KLHL26: variants seen among roughly 807,000 people sequenced by gnomAD.
The protein encoded by KLHL26 is kelch like family member 26.
In KLHL26, 4 loss-of-function variants were observed where a neutral mutation model predicts 7.1. That is an observed-to-expected ratio of 0.56 (90% CI 0.28 to 1.28). The LOEUF is 1.28. Ranked by LOEUF, KLHL26 falls within the 50% of genes most tolerant of loss-of-function variation. The pLI is 0.11. For synonymous variants in KLHL26, 465 were observed against 414.1 expected (o/e 1.12, Z -1.49); for missense variants, 896 against 924.6 (o/e 0.97, Z 0.40).
At position 18,656,336 on chromosome 19, in the gene KLHL26, C is replaced by T. The variant is rs79527756; in HGVS notation, c.84-7925C>T. Among the ~76,000 whole-genome samples the T allele has an allele frequency of 0.049, 7,491 of 152,242 alleles. 272 individuals carry two copies. The highest frequency in any genetic ancestry group is 0.073 in the Non-Finnish European group (4,947 of 68,004). Reference sequence around the variant, plus strand: ...GTCGTGGTCCTTTCCAATTGATCCTCGATTCCGAAACCTGCCTGCCTGCCC... The same window carrying T: ...GTCGTGGTCCTTTCCAATTGATCCTTGATTCCGAAACCTGCCTGCCTGCCC... On this transcript the variant is annotated intron_variant, in intron 1 of 2. Coordinates refer to ENST00000300976, the MANE Select transcript of KLHL26 (RefSeq NM_018316.3). The surrounding 1 kb of genome is among the most constrained non-coding windows in gnomAD (Gnocchi z 4.4).
chr19:18,647,206 C>T (rs1009216419), intron 1 of KLHL26, among the ~76,000 whole-genome samples: 4 of 152,358 alleles, frequency 2.6e-5, no homozygotes, highest in East Asian at 3.9e-4. Context: ...GCAGTGCGAT[C>T]GTCACAGCTG....
chr19:18,652,612 T>C (rs1257757469), intron 1 of KLHL26, among the ~76,000 whole-genome samples: 3 of 146,182 alleles, frequency 2.1e-5, no homozygotes, highest in Non-Finnish European at 4.5e-5. Flanking sequence ...AAAAAAAGAG[T>C]TGGGCTCCAG....
At chr19:18,637,848 A>G (rs1021662162) in intron 1 of KLHL26, among the ~76,000 whole-genome samples, 6 of 152,196 alleles carry the variant, frequency 3.9e-5, no homozygotes, top group Admixed American at 2.6e-4. Flanking sequence ...AAGGACTTAC[A>G]GAAAGGTCTT....
rs2145416203 is a variant in KLHL26 at position 18,669,597 on chromosome 19, C to T, written c.*352C>T. 2.0e-6 allele frequency: 1 copy of T among 488,028 alleles called. No homozygotes were observed. Among genetic ancestry groups the T allele is most frequent in the Non-Finnish European group, 3.6e-6 (1 of 276,664 alleles). 30.2% of individuals were successfully genotyped at this position (488,028 alleles called of 1,614,324 possible). A position where few individuals can be genotyped will look rare whatever the true frequency, so the allele number is the denominator to read the frequency against. On this transcript the variant is annotated 3_prime_UTR_variant, in exon 3 of 3. Transcript: ENST00000300976. ...GCAGCTCCATCTCACTTCTCTACTG[C>T]CTCCCAGCCCCACGGTTTCAGGCAT...
Position 18,667,973 on chromosome 19 carries a change from C to G in KLHL26, c.576C>G (p.Phe192Leu). ...ESVDAFTFRH[F>L]LQIAEEEDFL... The stretch of plus-strand genomic sequence containing the variant: ...TGGATGCCTTCACCTTCCGGCACTT[C>G]CTGCAGATCGCCGAGGAGGAGGATT... The change falls in exon 3 of 3, where the codon TTC becomes TTG. Residue 192 changes from phenylalanine to leucine, a missense_variant. Physicochemically the swap from Phe to Leu is conservative, Grantham distance 22 (BLOSUM62 0). Transcript: ENST00000300976. 1 of 1,608,828 alleles carries G rather than the reference C, an allele frequency of 6.2e-7. No homozygotes were observed. Among genetic ancestry groups the G allele is most frequent in the Non-Finnish European group, 8.5e-7 (1 of 1,179,984 alleles).
In KLHL26 at chr19:18,668,414, C is replaced by T. The variant is rs760406752; in HGVS notation, c.1017C>T (p.Arg339=). 6.2e-7 allele frequency: 1 copy of T among 1,610,892 alleles called. No homozygotes were observed. The highest frequency in any genetic ancestry group is 8.5e-7 in the Non-Finnish European group (1 of 1,179,580). Residue 339 remains arginine, a synonymous_variant, in exon 3 of 3, where the codon CGC becomes CGT. Coordinates refer to ENST00000300976, the MANE Select transcript of KLHL26 (RefSeq NM_018316.3). ...KVYQLPEPGA[R]HFRELTEMEV... is the part of the protein sequence containing the mutation. Reference sequence around the variant, plus strand: ...ACCAGCTGCCTGAGCCGGGAGCCCGCCACTTCCGCGAGCTCACGGAGATGG... The same window carrying T: ...ACCAGCTGCCTGAGCCGGGAGCCCGTCACTTCCGCGAGCTCACGGAGATGG...
chr19:18,667,765 G>A lies in KLHL26; in HGVS notation c.368G>A (p.Ser123Asn). The A allele has an allele frequency of 6.2e-7, 1 of 1,613,346 alleles. No homozygotes were observed. The highest frequency in any genetic ancestry group is 8.5e-7 in the Non-Finnish European group (1 of 1,180,004). ...CGGCACATCATCGACTTCGCCTACA[G>A]CGCCGAGGTGACACTGGACCTGGAC... ...GLRHIIDFAY[S>N]AEVTLDLDCV... is the part of the protein sequence containing the mutation. The change falls in exon 3 of 3, where the codon AGC (serine) becomes AAC (asparagine). Residue 123 changes from serine to asparagine, a missense_variant. By Grantham distance (46) the Ser-to-Asn change is conservative. Coordinates refer to ENST00000300976, the MANE Select transcript of KLHL26 (RefSeq NM_018316.3).
intron 2 of KLHL26, among the ~76,000 whole-genome samples, chr19:18,666,693 C>G (rs139672755): frequency 2.4e-4 from 37 of 152,336 alleles, no homozygotes; most frequent in African/African-American, 8.7e-4. Flanking sequence ...GAGCCTGTCT[C>G]TGGAGACAGC....
Position 18,668,376 on chromosome 19 carries a change from A to G in KLHL26, c.979A>G (p.Ser327Gly). The change falls in exon 3 of 3, where the codon AGC (serine) becomes GGC (glycine). Residue 327 changes from serine to glycine, a missense_variant. Physicochemically the swap from Ser to Gly is moderately conservative, Grantham distance 56 (BLOSUM62 0). Transcript: ENST00000300976. Reference sequence around the variant, plus strand: ...CTACACCGACAGCGACCGCTCGGTCAGCAGCAAGGTCTACCAGCTGCCTGA... The same window carrying G: ...CTACACCGACAGCGACCGCTCGGTCGGCAGCAAGGTCTACCAGCTGCCTGA... ...TPYTDSDRSV[S>G]SKVYQLPEPG... The G allele has an allele frequency of 1.2e-6, 2 of 1,607,904 alleles. No individual in the cohort carries two copies.
intron 1 of KLHL26, among the ~76,000 whole-genome samples, chr19:18,644,924 A>C: frequency 6.7e-6 from 1 of 149,546 alleles, no homozygotes. Context: ...GCGCTCCCCC[A>C]CCCCCGACCG....
chr19:18,664,000 G>A (rs757350), intron 1 of KLHL26, among the ~76,000 whole-genome samples: 106,382 of 151,678 alleles, frequency 0.7, 38,546 homozygotes, highest in African/African-American at 0.9. Context: ...CACCACCTCT[G>A]TCTAGTTCCA....
intron 1 of KLHL26, among the ~76,000 whole-genome samples, chr19:18,660,075 C>T (rs1257669715): frequency 6.6e-6 from 1 of 152,106 alleles, no homozygotes; most frequent in African/African-American, 2.4e-5. Context: ...TCTCGGGAAT[C>T]CCATAACAGG....
chr19:18,667,770 G>A lies in KLHL26; in HGVS notation c.373G>A (p.Glu125Lys), dbSNP rs760591544. The A allele has an allele frequency of 2.5e-6, 4 of 1,613,362 alleles. No homozygotes were observed. The highest frequency in any genetic ancestry group is 1.3e-5 in the African/African-American group (1 of 75,058). The change falls in exon 3 of 3, where the codon GAG becomes AAG. Residue 125 changes from glutamate (E) to lysine (K), a missense_variant. Glu to Lys is a moderately conservative substitution (Grantham distance 56, BLOSUM62 1). Transcript: ENST00000300976. ...RHIIDFAYSA[E>K]VTLDLDCVQD... ...CATCATCGACTTCGCCTACAGCGCC[G>A]AGGTGACACTGGACCTGGACTGCGT...
At position 18,664,426 on chromosome 19, in the gene KLHL26, C is replaced by T; in HGVS notation, c.249C>T (p.Ala83=). 6.3e-7 allele frequency: 1 copy of T among 1,586,662 alleles called. No individual in the cohort carries two copies. The highest frequency in any genetic ancestry group is 1.1e-5 in the South Asian group (1 of 88,926). The part of the protein sequence containing the change: ...AFPAHKVVLA[A]CSDYFRAMFT... Reference sequence around the variant, plus strand: ...CTGCACACAAGGTCGTCCTGGCTGCCTGCAGCGACTACTTCAGGTAAGTGC... The same window carrying T: ...CTGCACACAAGGTCGTCCTGGCTGCTTGCAGCGACTACTTCAGGTAAGTGC... The change falls in exon 2 of 3, where the codon GCC becomes GCT. Residue 83 remains alanine (A), a synonymous_variant. Transcript: ENST00000300976.
chr19:18,643,747 C>T (rs897905797), intron 1 of KLHL26, among the ~76,000 whole-genome samples: 3 of 151,790 alleles, frequency 2.0e-5, no homozygotes, highest in Admixed American at 1.3e-4. Context: ...TAAAGTGCTG[C>T]GATTACAGGC....
chr19:18,669,928 G>T lies in KLHL26; in HGVS notation c.*683G>T, dbSNP rs2052508927. 1 of 152,472 alleles carries T rather than the reference G, an allele frequency of 6.6e-6. No homozygotes were observed. Among genetic ancestry groups the T allele is most frequent in the South Asian group, 2.1e-4 (1 of 4,832 alleles). The allele number at this position is 152,472 out of a possible 1,614,324, so 9.4% of individuals were successfully genotyped here. A position where few individuals can be genotyped will look rare whatever the true frequency, so the allele number is the denominator to read the frequency against. On this transcript the variant is annotated 3_prime_UTR_variant, in exon 3 of 3. Coordinates refer to ENST00000300976, the MANE Select transcript of KLHL26 (RefSeq NM_018316.3). ...GGAGGAAAAACCATATCAACTCCTA[G>T]AAACGCTCCTTAGGGGCTTGGGACC...
intron 1 of KLHL26, among the ~76,000 whole-genome samples, chr19:18,657,490 C>T (rs2052346881): frequency 6.6e-6 from 1 of 151,970 alleles, no homozygotes; most frequent in South Asian, 2.1e-4. Context: ...GTCTCCCTGT[C>T]TCTGTGTCTC....
In KLHL26 at chr19:18,668,685, G is replaced by A. The variant is rs751466088; in HGVS notation, c.1288G>A (p.Val430Met). Residue 430 changes from valine to methionine, a missense_variant, in exon 3 of 3, where the codon GTG (valine) becomes ATG (methionine). Physicochemically the swap from Val to Met is conservative, Grantham distance 21. Transcript: ENST00000300976. The stretch of plus-strand genomic sequence containing the variant: ...CAACCGAGCCGGCAGCCTGGCCTCC[G>A]TGGAGCGGTACTGCCCCCGGCGCAA... ...GRNRAGSLAS[V>M]ERYCPRRNEW... is the part of the protein sequence containing the mutation. The A allele has an allele frequency of 1.9e-5, 30 of 1,575,778 alleles. No homozygotes were observed. Among genetic ancestry groups the A allele is most frequent in the Non-Finnish European group, 2.4e-5 (28 of 1,165,248 alleles).
chr19:18,640,374 G>A (rs1025630727), intron 1 of KLHL26, among the ~76,000 whole-genome samples: 7 of 151,486 alleles, frequency 4.6e-5, no homozygotes, highest in Admixed American at 4.6e-4. Flanking sequence ...TAGCTGGTAG[G>A]TACTACAAGG....
Sources: gnomAD v4.1 joint callset for allele counts (sites outside exome capture counted in the v4.1 genomes callset) on GRCh38, gnomAD v4.1.1 for gene constraint, Gnocchi (gnomAD v3.1) non-coding constraint, MANE v1.5 for transcripts, NCBI Gene and HGNC (gene_info 2026-07-23, HGNC 2026-07-21) for gene names.